Variants in TRAPPC9 observed in about 807,000 individuals in gnomAD.
The protein encoded by TRAPPC9 is IKK2 binding protein.
Under a neutral mutation model 124.0 loss-of-function variants are expected in TRAPPC9, and 83 were observed. The ratio of observed to expected loss-of-function variants is 0.67; its 90% CI spans 0.56 to 0.80. TRAPPC9 has a LOEUF of 0.80. Among genes scored for constraint, TRAPPC9 ranks in the 30% least tolerant of loss-of-function variants. The probability of loss-of-function intolerance (pLI) is 0.00; values close to 1 mark genes in which losing one functional copy is unlikely to be tolerated. For missense variants in TRAPPC9, 1,302 were observed against 1,508.3 expected, an observed-to-expected ratio of 0.86 and a Z score of 2.27; for synonymous variants, 638 against 617.5, an observed-to-expected ratio of 1.03 and a Z score of -0.49.
chr8:140,334,531 TC>T, intron 9 of TRAPPC9, among the ~76,000 whole-genome samples: 1 of 152,038 alleles, frequency 6.6e-6, no homozygotes, highest in Non-Finnish European at 1.5e-5. Context: ...ATGCCTGTAA[TC>T]CCAGCTACTC....
intron 19 of TRAPPC9, among the ~76,000 whole-genome samples, chr8:139,943,178 T>C (rs1252737810): frequency 2.6e-5 from 4 of 152,216 alleles, no homozygotes. Context: ...GCGATTCTCC[T>C]GTCTCAGCCT....
At chr8:139,887,369 C>T (rs933758331) in intron 20 of TRAPPC9, among the ~76,000 whole-genome samples, 8 of 151,936 alleles carry the variant, frequency 5.3e-5, no homozygotes, top group Non-Finnish European at 7.4e-5. Flanking sequence ...TACAGGCACC[C>T]GCCACCATGC....
intron 9 of TRAPPC9, among the ~76,000 whole-genome samples, chr8:140,318,449 T>G (rs1456860602): frequency 1.3e-5 from 2 of 152,228 alleles, no homozygotes; most frequent in Admixed American, 1.3e-4. Context: ...TTCACCATGC[T>G]GTGCAACAGA....
chr8:139,967,041 A>C (rs2131590638), intron 19 of TRAPPC9, among the ~76,000 whole-genome samples: 1 of 152,362 alleles, frequency 6.6e-6, no homozygotes, highest in South Asian at 2.1e-4. Flanking sequence ...TTGTCTTTAA[A>C]TGCAGTGGAA....
rs141287442 is a variant in TRAPPC9, at chr8:139,936,447, G to A, written c.2811-26147C>T. On this transcript the variant is annotated intron_variant, in intron 19 of 22. Coordinates refer to ENST00000438773, the MANE Select transcript of TRAPPC9 (RefSeq NM_001160372.4). Reference sequence around the variant, plus strand: ...AGTGGGGAGGTCGACACCTATATGCGGAGCTGTGGCAGACGCTGTACCAGA... The same window carrying A: ...AGTGGGGAGGTCGACACCTATATGCAGAGCTGTGGCAGACGCTGTACCAGA... Among the ~76,000 whole-genome samples, 699 of 152,314 alleles carry A rather than the reference G, an allele frequency of 4.6e-3. 2 individuals carry two copies. The highest frequency in any genetic ancestry group is 5.6e-3 in the Non-Finnish European group (380 of 68,022).
chr8:140,351,301 G>A (rs1163330686), intron 9 of TRAPPC9, among the ~76,000 whole-genome samples: 1 of 151,042 alleles, frequency 6.6e-6, no homozygotes, highest in African/African-American at 2.4e-5. Context: ...CTGTAGCACT[G>A]AGCCCATGGA....
At chr8:140,393,684 T>C (rs1049577739) in intron 7 of TRAPPC9, among the ~76,000 whole-genome samples, 3 of 152,184 alleles carry the variant, frequency 2.0e-5, no homozygotes, top group African/African-American at 7.2e-5. Context: ...ATATCTCAGT[T>C]CCTTTCAAAA....
intron 14 of TRAPPC9, 112 bp from the exon 15 acceptor site, chr8:140,275,933 G>C (rs73366966): frequency 2.3e-6 from 2 of 888,296 alleles, no homozygotes; most frequent in African/African-American, 1.7e-5. Context: ...CAGAAACAGG[G>C]GCTAGGAAAT....
chr8:140,033,130 C>A (rs141774677), intron 17 of TRAPPC9, among the ~76,000 whole-genome samples: 1 of 152,184 alleles, frequency 6.6e-6, no homozygotes, highest in Non-Finnish European at 1.5e-5. Flanking sequence ...ACCCCTTGTA[C>A]GAAATCATGT....
At chr8:139,732,698 G>A (rs1023893296) in intron 21 of TRAPPC9, among the ~76,000 whole-genome samples, 5 of 152,230 alleles carry the variant, frequency 3.3e-5, no homozygotes, top group Admixed American at 2.6e-4. Context: ...TCGTTCCCCA[G>A]GAGGAATGCA....
At chr8:140,025,316 T>C (rs1000932567) in intron 17 of TRAPPC9, among the ~76,000 whole-genome samples, 6 of 152,196 alleles carry the variant, frequency 3.9e-5, no homozygotes, top group Admixed American at 3.9e-4. Context: ...CGCCTGTTTT[T>C]GTGTGGCCTG....
rs369475557 is a variant in TRAPPC9 at position 140,329,262 on chromosome 8, A to G, written c.1496-17888T>C. On this transcript the variant is annotated intron_variant, in intron 9 of 22. Transcript: ENST00000438773. The stretch of plus-strand genomic sequence containing the variant: ...AGGCCAAAAGGTGAGATCTTCTGGA[A>G]AGAAAAGAAATGGGGGTGGATATGA... 9.2e-5 allele frequency among the ~76,000 whole-genome samples: 14 copies of G among 152,312 alleles called. No individual in the cohort carries two copies. In the South Asian group the frequency reaches 1.4e-3, roughly 16 times the overall value.
At chr8:139,947,544 T>G (rs2131480397) in intron 19 of TRAPPC9, among the ~76,000 whole-genome samples, 1 of 152,186 alleles carries the variant, frequency 6.6e-6, no homozygotes, top group South Asian at 2.1e-4. Context: ...TTATTCCCCT[T>G]GAAATCTTGT....
chr8:139,998,447 A>G (rs1408708967), intron 18 of TRAPPC9, among the ~76,000 whole-genome samples: 1 of 152,212 alleles, frequency 6.6e-6, no homozygotes, highest in Non-Finnish European at 1.5e-5. Flanking sequence ...GACTGGGCGC[A>G]GTGGCTCATG....
Position 140,330,405 on chromosome 8 carries a change from A to T in TRAPPC9, c.1496-19031T>A, listed in dbSNP as rs568671671. On this transcript the variant is annotated intron_variant, in intron 9 of 22. Transcript: ENST00000438773. ...AGAAAACAAGGCATTTCCTTAACAG[A>T]GTGTGGATTAACTTAGATAAATTTG... 5.3e-5 allele frequency among the ~76,000 whole-genome samples: 8 copies of T among 152,316 alleles called. No individual in the cohort carries two copies. In the South Asian group the frequency reaches 1.7e-3, roughly 32 times the overall value.
chr8:139,926,485 C>G (rs917778016), intron 19 of TRAPPC9, among the ~76,000 whole-genome samples: 2 of 151,664 alleles, frequency 1.3e-5, no homozygotes, highest in African/African-American at 2.4e-5. Context: ...ACCAGACTCC[C>G]GTGACAAAAG....
intron 15 of TRAPPC9, among the ~76,000 whole-genome samples, chr8:140,271,246 G>C (rs1380513127): frequency 6.6e-6 from 1 of 152,186 alleles, no homozygotes; most frequent in Non-Finnish European, 1.5e-5. Context: ...GTCCCAAAAG[G>C]AGGGTGGGTA....
chr8:140,162,562 C>T (rs2061769221), intron 17 of TRAPPC9, among the ~76,000 whole-genome samples: 1 of 152,202 alleles, frequency 6.6e-6, no homozygotes, highest in African/African-American at 2.4e-5. Context: ...ACTATATCGC[C>T]TGTCCACGCT....
chr8:140,171,050 C>T (rs1008600790), intron 17 of TRAPPC9, among the ~76,000 whole-genome samples: 3 of 152,178 alleles, frequency 2.0e-5, no homozygotes, highest in Non-Finnish European at 4.4e-5. Context: ...CATCAAGTTG[C>T]GAGAAACAGG....
Sources: allele counts gnomAD v4.1 joint callset (sites outside exome capture counted in the v4.1 genomes callset), GRCh38; gene constraint gnomAD v4.1.1; transcripts MANE v1.5; gene names NCBI Gene and HGNC (gene_info 2026-07-23, HGNC 2026-07-21).